CNKSR3: variants seen among roughly 807,000 people sequenced by gnomAD.
CNKSR3 encodes connector enhancer of kinase suppressor of ras 3.
A neutral mutation model predicts 67.7 loss-of-function variants in CNKSR3; 36 were observed. The observed-to-expected ratio is 0.53, with a 90% CI of 0.41 to 0.70. CNKSR3 has a LOEUF of 0.70. Ranked by LOEUF, CNKSR3 falls within the 30% of genes least tolerant of loss-of-function variation. The pLI is 0.00. For synonymous variants in CNKSR3, 281 were observed against 271.4 expected (o/e 1.04, Z -0.35); for missense variants, 630 against 695.2 (o/e 0.91, Z 1.05).
intron 1 of CNKSR3, among the ~76,000 whole-genome samples, chr6:154,506,561 G>A (rs939387965): frequency 6.6e-6 from 1 of 152,202 alleles, no homozygotes; most frequent in Non-Finnish European, 1.5e-5. Flanking sequence ...AGACAATCAT[G>A]CAGGAGCCGC....
At chr6:154,500,262 C>CACACAT (rs1786970303) in intron 1 of CNKSR3, among the ~76,000 whole-genome samples, 3 of 149,502 alleles carry the variant, frequency 2.0e-5, no homozygotes, top group African/African-American at 7.6e-5. Flanking sequence ...TAGAAACACA[C>CACACAT]ACACACACAC....
At chr6:154,499,994 C>A (rs941384285) in intron 1 of CNKSR3, among the ~76,000 whole-genome samples, 7 of 151,224 alleles carry the variant, frequency 4.6e-5, no homozygotes, top group African/African-American at 9.7e-5. Flanking sequence ...AGAGTCGTTT[C>A]CTAAATGCCA....
intron 2 of CNKSR3, among the ~76,000 whole-genome samples, chr6:154,443,504 T>C (rs1785646208): frequency 6.6e-6 from 1 of 151,766 alleles, no homozygotes; most frequent in Admixed American, 6.6e-5. Context: ...CTGCCCCATC[T>C]GAAGCACCGT....
intron 9 of CNKSR3, among the ~76,000 whole-genome samples, chr6:154,418,286 C>A (rs1785063693): frequency 1.3e-5 from 2 of 152,200 alleles, no homozygotes; most frequent in African/African-American, 2.4e-5. Flanking sequence ...CATCATTCTG[C>A]CTTTCTCTCT....
chr6:154,431,911 T>C (rs1426897955), intron 5 of CNKSR3, among the ~76,000 whole-genome samples: 1 of 152,222 alleles, frequency 6.6e-6, no homozygotes, highest in Non-Finnish European at 1.5e-5. Flanking sequence ...ATTCATCTAT[T>C]GAGAGACATT....
chr6:154,491,239 A>G (rs1257040945), intron 1 of CNKSR3, among the ~76,000 whole-genome samples: 3 of 152,126 alleles, frequency 2.0e-5, no homozygotes. Context: ...CTGCACTTCT[A>G]TGATGCCCTG....
chr6:154,429,377 T>C (rs11756277), intron 6 of CNKSR3, among the ~76,000 whole-genome samples: 9,786 of 152,176 alleles, frequency 0.064, 557 homozygotes, highest in East Asian at 0.22. Flanking sequence ...CACTCGCAGA[T>C]TATATCAGCT....
In CNKSR3 at chr6:154,392,779, C is replaced by T. The variant is rs34242097; in HGVS notation, c.*13575G>A. On this transcript the variant is annotated 3_prime_UTR_variant, in exon 13 of 13. Coordinates refer to ENST00000607772, the MANE Select transcript of CNKSR3 (RefSeq NM_173515.4). The stretch of plus-strand genomic sequence containing the variant: ...GGTCTAAGCCTTGCATTTGATGAGA[C>T]TTCACTGCCCTAAGTCATGGGTCAT... 0.11 allele frequency: 16,177 copies of T among 152,308 alleles called. 1,165 individuals are homozygous for T. The highest frequency in any genetic ancestry group is 0.24 in the Admixed American group (3,678 of 15,280). 9.4% of individuals were successfully genotyped at this position (152,308 alleles called of 1,614,324 possible).
At chr6:154,470,741 G>T (rs1011549441) in intron 1 of CNKSR3, among the ~76,000 whole-genome samples, 5 of 152,086 alleles carry the variant, frequency 3.3e-5, no homozygotes, top group Non-Finnish European at 7.3e-5. Flanking sequence ...ATGTTGCTAT[G>T]AACATTCATG....
rs1784571369 is a variant in CNKSR3, at chr6:154,388,364, A to G, written c.*17990T>C. ...GAATTTCCTTCTTTTTAAAAGCTAA[A>G]TAGTATTCCATTGTATGTGTATATA... On this transcript the variant is annotated 3_prime_UTR_variant, in exon 13 of 13. Transcript: ENST00000607772. The G allele has an allele frequency of 6.6e-6, 1 of 152,250 alleles. No homozygotes were observed. The highest frequency in any genetic ancestry group is 2.1e-4 in the South Asian group (1 of 4,834). The allele number at this position is 152,250 out of a possible 1,614,324, so 9.4% of individuals were successfully genotyped here.
At chr6:154,503,930 T>G (rs1649452775) in intron 1 of CNKSR3, among the ~76,000 whole-genome samples, 1 of 152,202 alleles carries the variant, frequency 6.6e-6, no homozygotes, top group African/African-American at 2.4e-5. Flanking sequence ...GAAAACACAT[T>G]TGCAGCTACG....
chr6:154,476,457 CAAAAA>C (rs11332561), intron 1 of CNKSR3, among the ~76,000 whole-genome samples: 3 of 110,810 alleles, frequency 2.7e-5, no homozygotes, highest in African/African-American at 3.1e-5. Flanking sequence ...AACTATGTCT[CAAAAA>C]AAAAAAAAAA....
chr6:154,480,191 C>A (rs997823964), intron 1 of CNKSR3, among the ~76,000 whole-genome samples: 19 of 152,294 alleles, frequency 1.2e-4, no homozygotes, highest in African/African-American at 4.3e-4. Context: ...ATAACAAGTA[C>A]CATTTCCTGA....
intron 1 of CNKSR3, among the ~76,000 whole-genome samples, chr6:154,459,194 G>GA (rs1033922645): frequency 6.6e-6 from 1 of 151,980 alleles, no homozygotes; most frequent in African/African-American, 2.4e-5. Context: ...ACTTGGTCTT[G>GA]AAAAAAACCA....
chr6:154,441,493 G>A, intron 3 of CNKSR3, 114 bp from the exon 4 acceptor site: 1 of 768,386 alleles, frequency 1.3e-6, no homozygotes, highest in Non-Finnish European at 2.2e-6. Flanking sequence ...TTTTTGTTTT[G>A]TTTTGTTTGA....
At chr6:154,444,205 C>T in intron 2 of CNKSR3, among the ~76,000 whole-genome samples, 1 of 152,154 alleles carries the variant, frequency 6.6e-6, no homozygotes, top group East Asian at 1.9e-4. Context: ...GAATACTTAA[C>T]ATTATTGAAC....
intron 9 of CNKSR3, 187 bp from the exon 10 acceptor site, chr6:154,414,610 A>T: frequency 1.5e-6 from 1 of 688,912 alleles, no homozygotes; most frequent in Non-Finnish European, 2.7e-6. Flanking sequence ...GAATGAGCTG[A>T]GGGATTTGAA....
intron 4 of CNKSR3, chr6:154,433,820 C>T (rs1785417900): frequency 4.5e-6 from 1 of 223,392 alleles, no homozygotes; most frequent in African/African-American, 2.3e-5. Flanking sequence ...CCAGACTGTC[C>T]AGAGAGTAGT....
intron 1 of CNKSR3, among the ~76,000 whole-genome samples, chr6:154,479,111 C>A (rs192005959): frequency 1.4e-5 from 2 of 146,842 alleles, no homozygotes; most frequent in Non-Finnish European, 2.9e-5. Context: ...CAGCCTATAC[C>A]CCCCCATCCT....
Sources: gnomAD v4.1 joint callset for allele counts (sites outside exome capture counted in the v4.1 genomes callset) on GRCh38, gnomAD v4.1.1 for gene constraint, MANE v1.5 for transcripts, NCBI Gene and HGNC (gene_info 2026-07-23, HGNC 2026-07-21) for gene names.